WDR43: variants seen among roughly 807,000 people sequenced by gnomAD.
WDR43 encodes WD repeat-containing protein 43.
In WDR43, 13 loss-of-function variants were observed where a neutral mutation model predicts 91.4. That is an observed-to-expected ratio of 0.14 (90% CI 0.09 to 0.23). The LOEUF is 0.23. Ranked by LOEUF, WDR43 falls within the 10% of genes least tolerant of loss-of-function variation. The probability of loss-of-function intolerance (pLI) is 1.00; values close to 1 mark genes in which losing one functional copy is unlikely to be tolerated. For synonymous variants in WDR43, 331 were observed against 287.9 expected (o/e 1.15, Z -1.51); for missense variants, 780 against 809.4 (o/e 0.96, Z 0.44).
Position 28,917,902 on chromosome 2 carries a change from A to G in WDR43, c.756A>G (p.Arg252=). The change falls in exon 6 of 18, where the codon CGA becomes CGG. Residue 252 remains arginine (R), a synonymous_variant. Coordinates refer to ENST00000407426, the MANE Select transcript of WDR43 (RefSeq NM_015131.3). ...TGGTTTTGTTATCTAGGCAGGTCCG[A>G]TCAGAAAACAAAGAAAAGAGTGCAG... ...HDRLLNVWQV[R]SENKEKSAVM... is the part of the protein sequence containing the mutation. 3 of 1,579,564 alleles carry G rather than the reference A, an allele frequency of 1.9e-6. No homozygotes were observed. The highest frequency in any genetic ancestry group is 1.8e-5 in the Admixed American group (1 of 54,784).
At chr2:28,912,342 T>G (rs1332420950) in intron 3 of WDR43, among the ~76,000 whole-genome samples, 1 of 152,174 alleles carries the variant, frequency 6.6e-6, no homozygotes, top group South Asian at 2.1e-4. Flanking sequence ...CTGATACTTG[T>G]TGAGAATCTT....
chr2:28,934,776 A>C (rs1328874656), intron 11 of WDR43, among the ~76,000 whole-genome samples: 1 of 152,200 alleles, frequency 6.6e-6, no homozygotes, highest in African/African-American at 2.4e-5. Flanking sequence ...TTTTGGTGCC[A>C]CTGCTGTTTC....
At chr2:28,930,013 A>T (rs1572598305) in intron 11 of WDR43, 5 of 516,742 alleles carry the variant, frequency 9.7e-6, no homozygotes, top group African/African-American at 5.8e-5. Flanking sequence ...TAGCTGAATG[A>T]TAATACTCAG....
intron 1 of WDR43, among the ~76,000 whole-genome samples, chr2:28,899,277 A>G (rs895320963): frequency 2.7e-4 from 41 of 152,364 alleles, no homozygotes; most frequent in African/African-American, 9.4e-4. Context: ...ACTAAAGTGT[A>G]AAAGAAGAAA....
rs371366554 is a variant in WDR43 at position 28,922,976 on chromosome 2, T to C, written c.907T>C (p.Leu303=). 3 of 1,609,924 alleles carry C rather than the reference T, an allele frequency of 1.9e-6. No homozygotes were observed. The African/African-American group carries it at 4.0e-5, about 22-fold the overall frequency. ...DGQVHLFEHI[L]NGYCKKPLTS... is the part of the protein sequence containing the mutation. ...TCAAGTCCATCTTTTTGAACACATA[T>C]TAAATGGGTAAGTAAGAAATTTTCC... The change falls in exon 7 of 18, where the codon TTA becomes CTA. Residue 303 remains leucine, a synonymous_variant. Transcript: ENST00000407426.
chr2:28,927,826 C>A, intron 10 of WDR43, 126 bp downstream of exon 10: 2 of 1,257,224 alleles, frequency 1.6e-6, no homozygotes, highest in South Asian at 1.6e-5. Context: ...TCCTGTTATG[C>A]TCTCTTTTAT....
chr2:28,899,212 A>T (rs1278361442), intron 1 of WDR43, among the ~76,000 whole-genome samples: 2 of 152,334 alleles, frequency 1.3e-5, no homozygotes, highest in East Asian at 3.9e-4. Context: ...ATTACTTAAT[A>T]TATTTATCTG....
intron 4 of WDR43, chr2:28,913,825 G>A: frequency 1.5e-6 from 1 of 680,428 alleles, no homozygotes; most frequent in Non-Finnish European, 2.7e-6. Context: ...GGTGCGGAGT[G>A]GTAGGGTCAT....
At chr2:28,906,428 C>G (rs935996346) in intron 2 of WDR43, 32 bp from the exon 3 acceptor site, 19 of 1,502,218 alleles carry the variant, frequency 1.3e-5, no homozygotes, top group Non-Finnish European at 1.7e-5. Context: ...TTGAGACCAG[C>G]CTTAAATTTT....
intron 1 of WDR43, among the ~76,000 whole-genome samples, chr2:28,900,986 G>A (rs1490202450): frequency 6.6e-6 from 1 of 152,170 alleles, no homozygotes; most frequent in Non-Finnish European, 1.5e-5. Context: ...CACTGGTAAC[G>A]TTGTGGTTGT....
chr2:28,902,181 G>A lies in WDR43; in HGVS notation c.363+57G>A, dbSNP rs1195896120. 6 of 1,478,574 alleles carry A rather than the reference G, an allele frequency of 4.1e-6. No individual in the cohort carries two copies. In the African/African-American group the frequency reaches 4.3e-5, roughly 11 times the overall value. 91.6% of individuals were successfully genotyped at this position (1,478,574 alleles called of 1,614,324 possible). A position where few individuals can be genotyped will look rare whatever the true frequency, so the allele number is the denominator to read the frequency against. ...TGTGACAGGGAAGCTGATTATTAGA[G>A]ATTATTAAAAAAAAAACACTTCAAG... On this transcript the variant is annotated intron_variant, in intron 2 of 17. Coordinates refer to ENST00000407426, the MANE Select transcript of WDR43 (RefSeq NM_015131.3).
intron 6 of WDR43, among the ~76,000 whole-genome samples, chr2:28,922,149 C>A (rs552241625): frequency 6.6e-6 from 1 of 152,198 alleles, no homozygotes; most frequent in Non-Finnish European, 1.5e-5. Flanking sequence ...TTTTTCACAA[C>A]AAAAGTTAGT....
intron 3 of WDR43, among the ~76,000 whole-genome samples, chr2:28,907,587 T>G (rs1168573906): frequency 1.3e-5 from 2 of 148,808 alleles, no homozygotes; most frequent in Non-Finnish European, 3.0e-5. Context: ...CACTTCAGCC[T>G]GGGTGATGGA....
intron 16 of WDR43, among the ~76,000 whole-genome samples, chr2:28,942,614 CTTTTCTTTTTTTTT>C (rs1671461036): frequency 1.2e-5 from 1 of 85,462 alleles, no homozygotes; most frequent in East Asian, 3.6e-4. Context: ...TTTTTTTTTT[CTTTTCTTTTTTTTT>C]TTTTTTAAGA....
chr2:28,910,013 G>C (rs985551017), intron 3 of WDR43, among the ~76,000 whole-genome samples: 2 of 152,192 alleles, frequency 1.3e-5, no homozygotes, highest in African/African-American at 4.8e-5. Context: ...ATTTCCCAGA[G>C]AGGAATTTTT....
intron 10 of WDR43, among the ~76,000 whole-genome samples, chr2:28,928,576 TAAAAC>T (rs1301073516): frequency 9.2e-5 from 14 of 152,352 alleles, no homozygotes; most frequent in Admixed American, 5.9e-4. Flanking sequence ...ATGTTAGTCA[TAAAAC>T]AAATTTCTTT....
chr2:28,902,194 AAAAC>A (rs1335058898), intron 2 of WDR43, 70 bp downstream of exon 2: 1 of 1,480,668 alleles, frequency 6.8e-7, no homozygotes, highest in East Asian at 2.3e-5. Flanking sequence ...TATTAAAAAA[AAAAC>A]ACTTCAAGGT....
At chr2:28,941,669 C>A (rs10182938) in intron 15 of WDR43, 95 bp downstream of exon 15, 3 of 959,360 alleles carry the variant, frequency 3.1e-6, no homozygotes, top group Non-Finnish European at 4.7e-6. Flanking sequence ...CTTGCTCTGT[C>A]GCTCAGGCTG....
Position 28,912,053 on chromosome 2 carries a change from C to G in WDR43, c.486-537C>G, listed in dbSNP as rs547258188. Among the ~76,000 whole-genome samples, 20 of 152,262 alleles carry G rather than the reference C, an allele frequency of 1.3e-4. No homozygotes were observed. In the South Asian group the frequency reaches 3.9e-3, roughly 30 times the overall value. On this transcript the variant is annotated intron_variant, in intron 3 of 17. Coordinates refer to ENST00000407426, the MANE Select transcript of WDR43 (RefSeq NM_015131.3). ...GGTAGTGAAAAGGAGTCATTTGTAC[C>G]TAATTAATTTTTACCTGTCAGATTG...
Sources: allele counts gnomAD v4.1 joint callset (sites outside exome capture counted in the v4.1 genomes callset), GRCh38; gene constraint gnomAD v4.1.1; transcripts MANE v1.5; gene names NCBI Gene and HGNC (gene_info 2026-07-23, HGNC 2026-07-21).